The following DGKQ variants were observed in gnomAD, a reference collection of about 807,000 sequenced individuals.
The protein encoded by DGKQ is DAG kinase theta.
Under a neutral mutation model 104.2 loss-of-function variants are expected in DGKQ, and 97 were observed. The observed-to-expected ratio is 0.93, with a 90% CI of 0.79 to 1.10. The LOEUF (loss-of-function observed/expected upper bound fraction) is 1.10, where lower values mean the gene tolerates loss of function less well. Among genes scored for constraint, DGKQ ranks in the 50% least tolerant of loss-of-function variants. The pLI is 0.00. For missense variants in DGKQ, 1,465 were observed against 1,352.1 expected (o/e 1.08, Z -1.31); for synonymous variants, 736 against 595.2 (o/e 1.24, Z -3.44).
At chr4:965,070 G>A (rs1712195802) in intron 15 of DGKQ, 106 bp downstream of exon 15, 2 of 833,636 alleles carry the variant, frequency 2.4e-6, no homozygotes, top group Non-Finnish European at 1.9e-6. Context: ...AGTGATGCCA[G>A]ATGAAAACAG....
At chr4:969,767 A>G (rs544530892) in intron 2 of DGKQ, among the ~76,000 whole-genome samples, 2 of 151,520 alleles carry the variant, frequency 1.3e-5, no homozygotes, top group African/African-American at 4.9e-5. Flanking sequence ...CCGCCACCAC[A>G]CCCGGCTAAT....
rs1046871263 is a variant in DGKQ, at chr4:967,812, G to A, written c.812-10C>T. 1.4e-5 allele frequency: 23 copies of A among 1,589,162 alleles called. No individual in the cohort carries two copies. The highest frequency in any genetic ancestry group is 1.8e-5 in the Admixed American group (1 of 56,550). On this transcript the variant is annotated splice_polypyrimidine_tract_variant and intron_variant, in intron 6 of 22. Transcript: ENST00000273814. ...CCGTCGCCCCCCTCGCCTGCGGGTC[G>A]GGCACACGGACCCCTCATTCAGTGC...
intron 22 of DGKQ, 148 bp from the exon 23 acceptor site, chr4:960,869 G>A (rs1461332867): frequency 6.8e-7 from 1 of 1,476,348 alleles, no homozygotes; most frequent in African/African-American, 1.4e-5. Flanking sequence ...GCTGCTCCCT[G>A]TGCCACCTGT....
chr4:963,371 C>T, intron 15 of DGKQ, 81 bp from the exon 16 acceptor site: 1 of 1,376,250 alleles, frequency 7.3e-7, no homozygotes, highest in Non-Finnish European at 1.0e-6. Context: ...AGTGCCCAGC[C>T]CCCAACCCTG....
In DGKQ at chr4:960,572, C is replaced by CTGGCGGGAGCAGAGA. The variant is rs760072238; in HGVS notation, c.*33_*47dup. On this transcript the variant is annotated 3_prime_UTR_variant, in exon 23 of 23. Transcript: ENST00000273814. ...GCCTCCAGACCACCTGAAAACAAGGCTGGCGGGAGCAGAGATGGCTCGAGC... is the reference window on the plus strand; with the variant it reads ...GCCTCCAGACCACCTGAAAACAAGGCTGGCGGGAGCAGAGATGGCGGGAGCAGAGATGGCTCGAGC... 9.7e-6 allele frequency: 15 copies of CTGGCGGGAGCAGAGA among 1,552,588 alleles called. No homozygotes were observed. Among genetic ancestry groups the CTGGCGGGAGCAGAGA allele is most frequent in the Non-Finnish European group, 1.3e-5 (15 of 1,131,228 alleles).
rs756983277 is a variant in DGKQ at position 966,458 on chromosome 4, C to G, written c.1428+8G>C. The G allele has an allele frequency of 1.2e-6, 2 of 1,612,038 alleles. No individual in the cohort carries two copies. Among genetic ancestry groups the G allele is most frequent in the African/African-American group, 1.3e-5 (1 of 74,926 alleles). ...GTTCCCTGGGGGCCGGCGTCCACAC[C>G]CACTCACCTGCCGGATGTCCTGTAG... is the stretch of plus-strand genomic sequence containing the variant. On this transcript the variant is annotated splice_region_variant and intron_variant, in intron 12 of 22. Transcript: ENST00000273814.
Position 967,332 on chromosome 4 carries a change from G to C in DGKQ, c.1017C>G (p.Pro339=), listed in dbSNP as rs149872566. ...ACAGCTCCAGGTGGCCAGGGTCCTCGGGGATGTGGTGGGCCCGCAGTGCGG... is the reference window on the plus strand; with the variant it reads ...ACAGCTCCAGGTGGCCAGGGTCCTCCGGGATGTGGTGGGCCCGCAGTGCGG... ...LEAALRAHHI[P]EDPGHLELCR... Residue 339 remains proline, a synonymous_variant, in exon 9 of 23, where the codon CCC becomes CCG. Coordinates refer to ENST00000273814, the MANE Select transcript of DGKQ (RefSeq NM_001347.4). 2.6e-6 allele frequency: 4 copies of C among 1,537,736 alleles called. No homozygotes were observed. The South Asian group carries it at 3.6e-5, about 14-fold the overall frequency.
At chr4:970,469 G>A (rs1712839496) in intron 2 of DGKQ, among the ~76,000 whole-genome samples, 1 of 152,246 alleles carries the variant, frequency 6.6e-6, no homozygotes, top group African/African-American at 2.4e-5. Context: ...CTTAGAGGGA[G>A]GGTGGTGGCC....
chr4:967,384 G>T (rs898425329), intron 8 of DGKQ, 23 bp from the exon 9 acceptor site: 2 of 1,511,052 alleles, frequency 1.3e-6, no homozygotes, highest in Non-Finnish European at 1.8e-6. Context: ...AGGTTAGAGG[G>T]GCCAAGTTGT....
At chr4:962,178 G>T in intron 18 of DGKQ, 96 bp from the exon 19 acceptor site, 1 of 1,154,888 alleles carries the variant, frequency 8.7e-7, no homozygotes, top group Non-Finnish European at 1.3e-6. Flanking sequence ...ACAAGAGCAA[G>T]GACCACCCTG....
chr4:970,073 C>A (rs1369281465), intron 2 of DGKQ, among the ~76,000 whole-genome samples: 1 of 152,262 alleles, frequency 6.6e-6, no homozygotes, highest in Non-Finnish European at 1.5e-5. Flanking sequence ...GTGGAATCAC[C>A]AGGGTGTCGG....
chr4:967,440 G>A (rs1020667617), intron 8 of DGKQ, 79 bp from the exon 9 acceptor site: 2 of 1,357,726 alleles, frequency 1.5e-6, no homozygotes, highest in African/African-American at 1.4e-5. Context: ...TGGAGGGGGA[G>A]GCCAGGTGGG....
intron 2 of DGKQ, 135 bp downstream of exon 2, chr4:970,858 G>A (rs966010964): frequency 6.1e-5 from 39 of 635,290 alleles, no homozygotes; most frequent in African/African-American, 2.7e-4. Context: ...TTTTAATCCC[G>A]AGCAGTATCT....
chr4:965,790 A>G (rs1712268623), intron 13 of DGKQ, 138 bp downstream of exon 13: 3 of 1,031,766 alleles, frequency 2.9e-6, no homozygotes, highest in Non-Finnish European at 4.1e-6. Context: ...TCTTGGAGGA[A>G]GAGACGTGGG....
intron 15 of DGKQ, 110 bp downstream of exon 15, chr4:965,066 G>A (rs1379542620): frequency 1.3e-6 from 1 of 792,222 alleles, no homozygotes; most frequent in South Asian, 1.6e-5. Flanking sequence ...AGGAAGTGAT[G>A]CCAGATGAAA....
chr4:962,409 G>A, intron 18 of DGKQ, 26 bp downstream of exon 18: 1 of 1,532,218 alleles, frequency 6.5e-7, no homozygotes, highest in Non-Finnish European at 8.8e-7. Context: ...AGCCTGGAAG[G>A]CACCCCACGC....
rs2153009176 is a variant in DGKQ, at chr4:965,528, G to T, written c.1581C>A (p.Ala527=). The T allele has an allele frequency of 6.2e-7, 1 of 1,611,850 alleles. No individual in the cohort carries two copies. Among genetic ancestry groups the T allele is most frequent in the East Asian group, 2.2e-5 (1 of 44,860 alleles). ...AGATGTGACTCACGGACACCACGGT[G>T]GCTGCAAAGGCAGGCTGTGGTCAGG... ...SLLHEAGATK[A]TVVSVSHIYS... The change falls in exon 14 of 23, where the codon GCC becomes GCA. Residue 527 remains alanine (A), a splice_region_variant and synonymous_variant. Coordinates refer to ENST00000273814, the MANE Select transcript of DGKQ (RefSeq NM_001347.4).
chr4:969,183 G>A (rs546496643), intron 2 of DGKQ, among the ~76,000 whole-genome samples: 2 of 139,672 alleles, frequency 1.4e-5, no homozygotes, highest in East Asian at 2.1e-4. Flanking sequence ...CCACACCCCC[G>A]GGTCCTGGGG....
chr4:966,475 G>A lies in DGKQ; in HGVS notation c.1419C>T (p.Asp473=), dbSNP rs768338044. The A allele has an allele frequency of 8.1e-6, 13 of 1,612,374 alleles. No homozygotes were observed. In the South Asian group the frequency reaches 1.2e-4, roughly 15 times the overall value. ...DEQPLLDRLQ[D]IRQMSVRQVS... ...GTCCACACCCACTCACCTGCCGGATGTCCTGTAGCCGGTCCAGCAGGGGCT... is the reference window on the plus strand; with the variant it reads ...GTCCACACCCACTCACCTGCCGGATATCCTGTAGCCGGTCCAGCAGGGGCT... Residue 473 remains aspartate (D), a synonymous_variant, in exon 12 of 23, where the codon GAC becomes GAT. Coordinates refer to ENST00000273814, the MANE Select transcript of DGKQ (RefSeq NM_001347.4).
Sources: allele counts gnomAD v4.1 joint callset (sites outside exome capture counted in the v4.1 genomes callset), GRCh38; gene constraint gnomAD v4.1.1; transcripts MANE v1.5; gene names NCBI Gene and HGNC (gene_info 2026-07-23, HGNC 2026-07-21).